GRIP1: variants seen among roughly 807,000 people sequenced by gnomAD.
GRIP1 encodes glutamate receptor interacting protein 1, also known as glutamate receptor-interacting protein 1.
GRIP1 carries 45 observed loss-of-function variants against 129.9 expected under a neutral mutation model. The observed-to-expected ratio is 0.35, with a 90% CI of 0.27 to 0.44. The LOEUF is 0.44. Ranked by LOEUF, GRIP1 falls within the 20% of genes least tolerant of loss-of-function variation. GRIP1 has a pLI of 1.00. For missense variants in GRIP1, 1,196 were observed against 1,396.8 expected (o/e 0.86, Z 2.29); for synonymous variants, 530 against 520.8 (o/e 1.02, Z -0.24).
intron 9 of GRIP1, among the ~76,000 whole-genome samples, chr12:66,462,605 G>T (rs1051428931): frequency 1.3e-5 from 2 of 151,830 alleles, no homozygotes; most frequent in African/African-American, 4.8e-5. Context: ...AAGAAATGAT[G>T]AGTCTGACCA....
chr12:66,781,972 A>G (rs2038175646), intron 1 of GRIP1, among the ~76,000 whole-genome samples: 1 of 152,216 alleles, frequency 6.6e-6, no homozygotes, highest in African/African-American at 2.4e-5. Flanking sequence ...TTTCATTTAT[A>G]TAAACTTCAA....
In GRIP1 at chr12:67,003,286, T is replaced by C. The variant is rs147013993; in HGVS notation, c.58+65764A>G. On this transcript the variant is annotated intron_variant, in intron 1 of 1. Coordinates refer to the GRIP1 transcript ENST00000643019. ...TATTGCTAAAGGAATGGATAAATTG[T>C]TGTACTTAGACTATTATGTTTTTTC... Among the ~76,000 whole-genome samples, 88 of 152,362 alleles carry C rather than the reference T, an allele frequency of 5.8e-4. No homozygotes were observed. The Middle Eastern group carries it at 0.01, about 18-fold the overall frequency.
intron 1 of GRIP1, among the ~76,000 whole-genome samples, chr12:66,609,085 A>C (rs560568687): frequency 6.6e-6 from 1 of 152,122 alleles, no homozygotes; most frequent in South Asian, 2.1e-4. Context: ...TATTACCTCA[A>C]ATTTCACAGA....
At chr12:66,731,687 A>T (rs1458840982) in intron 1 of GRIP1, among the ~76,000 whole-genome samples, 1 of 152,204 alleles carries the variant, frequency 6.6e-6, no homozygotes, top group Non-Finnish European at 1.5e-5. Context: ...TTTTAAAACT[A>T]TGGGAGATGT....
chr12:66,837,893 G>A (rs1470711085), intron 1 of GRIP1, among the ~76,000 whole-genome samples: 1 of 152,104 alleles, frequency 6.6e-6, no homozygotes, highest in African/African-American at 2.4e-5. Flanking sequence ...CAGAATGGTG[G>A]TTAAAAAATC....
intron 7 of GRIP1, among the ~76,000 whole-genome samples, chr12:66,474,998 T>G (rs1019481661): frequency 2.2e-4 from 33 of 152,172 alleles, no homozygotes; most frequent in Non-Finnish European, 4.4e-5. Context: ...TAAATGTAAA[T>G]GGGCTAAATG....
chr12:66,763,351 A>C (rs976865906), intron 1 of GRIP1, among the ~76,000 whole-genome samples: 3 of 152,152 alleles, frequency 2.0e-5, no homozygotes, highest in Admixed American at 2.0e-4. Flanking sequence ...GTTTGAATTG[A>C]TGTTCCATCT....
intron 1 of GRIP1, among the ~76,000 whole-genome samples, chr12:66,915,639 C>T (rs1257987805): frequency 1.3e-5 from 2 of 152,198 alleles, no homozygotes; most frequent in African/African-American, 4.8e-5. Context: ...GTAGCTTTTG[C>T]ATGTGAGGCT....
In GRIP1 at chr12:66,444,638, G is replaced by C. The variant is rs1452438437; in HGVS notation, c.1633C>G (p.Arg545Gly). ...STFEEASQLL[R>G]DSSITSKVTL... ...ACCTTGCTCGTGATTGAAGAGTCTC[G>C]GAGGAGCTGACTGGCTTCTTCGAAG... The change falls in exon 13 of 25, where the codon CGA becomes GGA. Residue 545 changes from arginine (R) to glycine (G), a missense_variant. By Grantham distance (125) the Arg-to-Gly change is moderately radical (BLOSUM62 -2). Around this residue, in one of 5 missense-constraint regions of GRIP1, gnomAD observed 508 missense variants for 587.0 expected, o/e 0.87. Coordinates refer to ENST00000359742, the MANE Select transcript of GRIP1 (RefSeq NM_001366722.1). 6.2e-7 allele frequency: 1 copy of C among 1,613,998 alleles called. No individual in the cohort carries two copies. The highest frequency in any genetic ancestry group is 2.2e-5 in the East Asian group (1 of 44,870).
At chr12:67,015,224 G>A (rs1029493519) in intron 1 of GRIP1, among the ~76,000 whole-genome samples, 52 of 152,144 alleles carry the variant, frequency 3.4e-4, no homozygotes, top group Admixed American at 5.9e-4. Context: ...ACATTAAGAT[G>A]TGCATTATCC....
intron 1 of GRIP1, among the ~76,000 whole-genome samples, chr12:66,927,877 A>G (rs1007371970): frequency 1.2e-4 from 19 of 152,242 alleles, no homozygotes; most frequent in African/African-American, 4.6e-4. Flanking sequence ...TTCAGGAGTG[A>G]GTACATGACC....
intron 2 of GRIP1, among the ~76,000 whole-genome samples, chr12:66,596,210 A>C (rs529892533): frequency 6.6e-6 from 1 of 152,100 alleles, no homozygotes; most frequent in Non-Finnish European, 1.5e-5. Flanking sequence ...TTCCTCTTTA[A>C]TTTCAGAACT....
At chr12:66,661,247 T>A (rs2033483180) in intron 1 of GRIP1, among the ~76,000 whole-genome samples, 1 of 152,062 alleles carries the variant, frequency 6.6e-6, no homozygotes, top group Non-Finnish European at 1.5e-5. Context: ...CTTCCTATGC[T>A]GAATATCAAC....
intron 1 of GRIP1, among the ~76,000 whole-genome samples, chr12:67,051,892 T>C (rs1291382964): frequency 6.6e-6 from 1 of 152,216 alleles, no homozygotes; most frequent in Non-Finnish European, 1.5e-5. Context: ...TAGTTTAGTA[T>C]CTTTATTGTC....
rs115175798 is a variant in GRIP1 at position 66,555,110 on chromosome 12, C to T, written c.137-13160G>A. ...GCCTTAGGTGAGACCCACTGCTGTG[C>T]TGGCTTCAGGTCTGACCCAGTGCAG... On this transcript the variant is annotated intron_variant, in intron 2 of 24. Transcript: ENST00000359742. Among the ~76,000 whole-genome samples, 157 of 152,276 alleles carry T rather than the reference C, an allele frequency of 1.0e-3. 1 individual carries two copies. Among genetic ancestry groups the T allele is most frequent in the African/African-American group, 3.5e-3 (145 of 41,554 alleles).
At chr12:66,639,929 CTCTA>C (rs2031773712) in intron 1 of GRIP1, among the ~76,000 whole-genome samples, 1 of 152,188 alleles carries the variant, frequency 6.6e-6, no homozygotes, top group South Asian at 2.1e-4. Flanking sequence ...CAACATCATT[CTCTA>C]TCCATCCTGA....
At chr12:66,846,780 C>A (rs1040681626) in intron 1 of GRIP1, among the ~76,000 whole-genome samples, 9 of 152,148 alleles carry the variant, frequency 5.9e-5, no homozygotes, top group Non-Finnish European at 1.3e-4. Context: ...GTACATGTCA[C>A]ACCACAGGGG....
At chr12:66,951,825 AAG>A (rs1304714859) in intron 1 of GRIP1, among the ~76,000 whole-genome samples, 1 of 152,038 alleles carries the variant, frequency 6.6e-6, no homozygotes, top group Non-Finnish European at 1.5e-5. Context: ...GGGTAAGTAA[AAG>A]AGAGGTGCTA....
intron 1 of GRIP1, among the ~76,000 whole-genome samples, chr12:66,793,999 G>A (rs777832619): frequency 4.9e-4 from 75 of 152,122 alleles, no homozygotes; most frequent in Non-Finnish European, 9.3e-4. Flanking sequence ...AATAAACTTC[G>A]TAGCATGTGT....
Sources: gnomAD v4.1 joint callset for allele counts (sites outside exome capture counted in the v4.1 genomes callset) on GRCh38, gnomAD v4.1.1 for gene constraint, gnomAD v4.1.1 regional missense constraint, MANE v1.5 for transcripts, NCBI Gene and HGNC (gene_info 2026-07-23, HGNC 2026-07-21) for gene names.